SLC35F3: variants seen among roughly 807,000 people sequenced by gnomAD.
SLC35F3 encodes the protein solute carrier family 35 member F3.
A neutral mutation model predicts 49.9 loss-of-function variants in SLC35F3; 25 were observed. That is an observed-to-expected ratio of 0.50 (90% confidence interval 0.37 to 0.70). The LOEUF is 0.70. SLC35F3 is among the 30% of genes least tolerant of loss of function. The probability of loss-of-function intolerance (pLI) is 0.00; values close to 1 mark genes in which losing one functional copy is unlikely to be tolerated. For synonymous variants in SLC35F3, 275 were observed against 265.4 expected, an observed-to-expected ratio of 1.04 and a Z score of -0.35; for missense variants, 525 against 639.8, an observed-to-expected ratio of 0.82 and a Z score of 1.94.
intron 2 of SLC35F3, among the ~76,000 whole-genome samples, chr1:233,975,491 G>A (rs897709829): frequency 6.6e-6 from 1 of 152,252 alleles, no homozygotes; most frequent in African/African-American, 2.4e-5. Context: ...TGTGTTTGGG[G>A]GGAGAATGAA....
chr1:233,975,590 A>T (rs1572004971), intron 2 of SLC35F3, among the ~76,000 whole-genome samples: 1 of 152,192 alleles, frequency 6.6e-6, no homozygotes, highest in East Asian at 1.9e-4. Context: ...GATAGACATG[A>T]TATCCATGAT....
chr1:234,164,125 C>G (rs1274104425), intron 2 of SLC35F3, among the ~76,000 whole-genome samples: 2 of 151,318 alleles, frequency 1.3e-5, no homozygotes, highest in Non-Finnish European at 2.9e-5. Context: ...CTCTACCTCT[C>G]TCTCCTTCTC....
chr1:234,255,401 G>A (rs1667804477), intron 3 of SLC35F3, among the ~76,000 whole-genome samples: 1 of 152,200 alleles, frequency 6.6e-6, no homozygotes, highest in African/African-American at 2.4e-5. Context: ...ATTCATTGCT[G>A]GGGAAATGCA....
chr1:234,082,384 G>A (rs1664891082), intron 2 of SLC35F3, among the ~76,000 whole-genome samples: 10 of 152,150 alleles, frequency 6.6e-5, no homozygotes, highest in Admixed American at 6.5e-4. Context: ...GAAGCTAACT[G>A]TAACCATGTC....
intron 2 of SLC35F3, among the ~76,000 whole-genome samples, chr1:234,159,097 A>T (rs1162815579): frequency 6.6e-6 from 1 of 152,162 alleles, no homozygotes; most frequent in Admixed American, 6.5e-5. Flanking sequence ...GATGTTATAG[A>T]ATTTTCTCAG....
intron 2 of SLC35F3, among the ~76,000 whole-genome samples, chr1:233,940,960 A>C (rs947432508): frequency 6.6e-6 from 1 of 152,226 alleles, no homozygotes; most frequent in Non-Finnish European, 1.5e-5. Context: ...GAAGATACCT[A>C]CCTACTTCCT....
chr1:234,198,752 T>G (rs1052269063), intron 2 of SLC35F3, among the ~76,000 whole-genome samples: 4 of 152,200 alleles, frequency 2.6e-5, no homozygotes, highest in African/African-American at 9.7e-5. Flanking sequence ...TTACCATTTT[T>G]TGTGGTGAGA....
rs1325413468 is a variant in SLC35F3 at position 234,099,859 on chromosome 1, A to G, written c.284-131558A>G. 2.0e-5 allele frequency among the ~76,000 whole-genome samples: 3 copies of G among 152,316 alleles called. No homozygotes were observed. In the East Asian group the frequency reaches 5.8e-4, roughly 29 times the overall value. The stretch of plus-strand genomic sequence containing the variant: ...GAAAACATTCTACACTTTTGAGTTG[A>G]TGTGAGTTTGATATTGCAAGCCTGC... On this transcript the variant is annotated intron_variant, in intron 2 of 7. Transcript: ENST00000366618.
chr1:234,181,338 G>GAAAAAAAAAAAAAA (rs34757532), intron 2 of SLC35F3, among the ~76,000 whole-genome samples: 13 of 97,270 alleles, frequency 1.3e-4, no homozygotes, highest in South Asian at 3.1e-4. Context: ...TCTGTCTCAA[G>GAAAAAAAAAAAAAA]AAAAAAAAAA....
chr1:234,064,259 G>T (rs1664584679), intron 2 of SLC35F3, among the ~76,000 whole-genome samples: 1 of 152,112 alleles, frequency 6.6e-6, no homozygotes, highest in African/African-American at 2.4e-5. Context: ...TATGTGTCTT[G>T]CGTGTGATCC....
intron 2 of SLC35F3, among the ~76,000 whole-genome samples, chr1:234,081,671 A>C (rs969947457): frequency 1.3e-5 from 2 of 151,742 alleles, no homozygotes; most frequent in Admixed American, 1.3e-4. Flanking sequence ...GTAAAAGAGA[A>C]TACTCCATCA....
At chr1:234,256,247 G>A (rs1326050604) in intron 3 of SLC35F3, among the ~76,000 whole-genome samples, 2 of 152,178 alleles carry the variant, frequency 1.3e-5, no homozygotes, top group Non-Finnish European at 2.9e-5. Context: ...TTAATAAAAA[G>A]TGAATTAAGT....
chr1:234,221,784 T>C (rs1667209878), intron 2 of SLC35F3, among the ~76,000 whole-genome samples: 1 of 152,208 alleles, frequency 6.6e-6, no homozygotes, highest in South Asian at 2.1e-4. Context: ...AGCTAATTAA[T>C]ATATTGGACA....
chr1:234,247,861 G>GCATTGTTTGATGGGTCAGTTGGCTGGTC (rs1558272713), intron 3 of SLC35F3, among the ~76,000 whole-genome samples: 1,487 of 27,494 alleles, frequency 0.054, 58 homozygotes, highest in African/African-American at 0.15. Context: ...GTTGGCTGGT[G>GCATTGTTTGATGGGTCAGTTGGCTGGTC]CATTGTTTGA....
At chr1:233,995,508 C>T (rs1411182520) in intron 2 of SLC35F3, among the ~76,000 whole-genome samples, 1 of 152,200 alleles carries the variant, frequency 6.6e-6, no homozygotes, top group African/African-American at 2.4e-5. Flanking sequence ...GATCCCTCCA[C>T]TTGTGTTAAG....
chr1:234,237,746 G>T (rs1249934324), intron 3 of SLC35F3, among the ~76,000 whole-genome samples: 1 of 152,168 alleles, frequency 6.6e-6, no homozygotes, highest in Non-Finnish European at 1.5e-5. Flanking sequence ...TCTGTCTCAG[G>T]TGCTGTTCTA....
At chr1:234,227,186 G>T (rs1264995460) in intron 2 of SLC35F3, among the ~76,000 whole-genome samples, 2 of 152,170 alleles carry the variant, frequency 1.3e-5, no homozygotes, top group East Asian at 3.9e-4. Flanking sequence ...TCCCAGAACT[G>T]CTGGCTAAAG....
In SLC35F3 at chr1:234,214,500, T is replaced by G; in HGVS notation, c.284-16917T>G. ...GCTCCTGCAGGCGGCCGGCTCATCA[T>G]GAAGAAGCACTCGGCCCGGGTGGCC... On this transcript the variant is annotated intron_variant, in intron 2 of 7. Coordinates refer to ENST00000366618, the MANE Select transcript of SLC35F3 (RefSeq NM_173508.4). This position sits in a 1 kb window ranked among gnomAD's most constrained non-coding sequence, Gnocchi z 8.0. 6.5e-7 allele frequency: 1 copy of G among 1,536,202 alleles called. No homozygotes were observed. The highest frequency in any genetic ancestry group is 8.7e-7 in the Non-Finnish European group (1 of 1,143,010).
chr1:234,273,101 A>G (rs1427630489), intron 3 of SLC35F3, among the ~76,000 whole-genome samples: 1 of 152,176 alleles, frequency 6.6e-6, no homozygotes, highest in African/African-American at 2.4e-5. Context: ...ATCATCTGAC[A>G]CCTGCTGCAT....
Sources: gnomAD v4.1 joint callset for allele counts (sites outside exome capture counted in the v4.1 genomes callset) on GRCh38, gnomAD v4.1.1 for gene constraint, Gnocchi (gnomAD v3.1) non-coding constraint, MANE v1.5 for transcripts, NCBI Gene and HGNC (gene_info 2026-07-23, HGNC 2026-07-21) for gene names.